BTBD10: variants seen among roughly 807,000 people sequenced by gnomAD.
BTBD10 encodes the protein BTB domain containing 10, also known as BTB/POZ domain-containing protein 10.
Under a neutral mutation model 53.2 loss-of-function variants are expected in BTBD10, and 21 were observed. The ratio of observed to expected loss-of-function variants is 0.39; its 90% confidence interval spans 0.28 to 0.57. BTBD10 has a LOEUF of 0.57. BTBD10 is among the 20% of genes least tolerant of loss of function. The pLI is 0.53. For synonymous variants in BTBD10, 149 were observed against 192.7 expected (o/e 0.77, Z 1.88); for missense variants, 360 against 594.7 (o/e 0.61, Z 4.10).
At chr11:13,437,062 C>T (rs1247230164) in intron 2 of BTBD10, among the ~76,000 whole-genome samples, 1 of 152,202 alleles carries the variant, frequency 6.6e-6, no homozygotes, top group African/African-American at 2.4e-5. Flanking sequence ...GGATTACAGG[C>T]GTGAGACATC....
At chr11:13,411,349 T>C (rs764966345) in intron 6 of BTBD10, among the ~76,000 whole-genome samples, 4 of 152,226 alleles carry the variant, frequency 2.6e-5, no homozygotes, top group Non-Finnish European at 5.9e-5. Flanking sequence ...CAAAGTGCCA[T>C]TCCAAATATT....
intron 8 of BTBD10, among the ~76,000 whole-genome samples, chr11:13,399,034 C>G (rs560515659): frequency 6.6e-6 from 1 of 152,132 alleles, no homozygotes; most frequent in African/African-American, 2.4e-5. Flanking sequence ...GAGTTAGTTG[C>G]TCTTCTCGAG....
At position 13,445,168 on chromosome 11, in the gene BTBD10, G is replaced by A; in HGVS notation, c.-44C>T. 7.2e-7 allele frequency: 1 copy of A among 1,384,330 alleles called. No homozygotes were observed. Among genetic ancestry groups the A allele is most frequent in the Middle Eastern group, 1.8e-4 (1 of 5,644 alleles). The allele number at this position is 1,384,330 out of a possible 1,614,324, so 85.8% of individuals were successfully genotyped here. On this transcript the variant is annotated 5_prime_UTR_variant, in exon 2 of 9. Transcript: ENST00000278174. Reference sequence around the variant, plus strand: ...ACACTACTGCTCTGAAAGCACACATGTAGCACCCATAACCTACATAAAAGA... The same window carrying A: ...ACACTACTGCTCTGAAAGCACACATATAGCACCCATAACCTACATAAAAGA...
chr11:13,451,817 T>C (rs941092951), intron 1 of BTBD10, among the ~76,000 whole-genome samples: 1 of 152,128 alleles, frequency 6.6e-6, no homozygotes, highest in Non-Finnish European at 1.5e-5. Context: ...CTATTATAAA[T>C]ATATTCAAAC....
chr11:13,444,206 T>C (rs1273838880), intron 2 of BTBD10, among the ~76,000 whole-genome samples: 1 of 152,006 alleles, frequency 6.6e-6, no homozygotes, highest in African/African-American at 2.4e-5. Flanking sequence ...CAAAAACGAT[T>C]TCATTATCAC....
chr11:13,452,269 C>G (rs1407327281), intron 1 of BTBD10, among the ~76,000 whole-genome samples: 1 of 152,004 alleles, frequency 6.6e-6, no homozygotes, highest in African/African-American at 2.4e-5. Context: ...AAAGACAAAA[C>G]TATAAAGACA....
At chr11:13,458,153 A>C (rs1951012145) in intron 1 of BTBD10, among the ~76,000 whole-genome samples, 1 of 151,746 alleles carries the variant, frequency 6.6e-6, no homozygotes. Context: ...AAAAAAAAAA[A>C]AAAAACTGTT....
chr11:13,455,801 T>A (rs994802697), intron 1 of BTBD10, among the ~76,000 whole-genome samples: 3 of 152,222 alleles, frequency 2.0e-5, no homozygotes, highest in Non-Finnish European at 2.9e-5. Flanking sequence ...ACAATATTTT[T>A]TCCTTCCATG....
intron 1 of BTBD10, among the ~76,000 whole-genome samples, chr11:13,461,088 A>T (rs765028989): frequency 3.9e-5 from 6 of 152,186 alleles, no homozygotes; most frequent in Non-Finnish European, 8.8e-5. Context: ...TTTCAATTAG[A>T]TGTGACATTT....
chr11:13,441,803 G>C (rs115667567), intron 2 of BTBD10, among the ~76,000 whole-genome samples: 22 of 152,180 alleles, frequency 1.4e-4, no homozygotes, highest in African/African-American at 4.8e-4. Flanking sequence ...TACGTTTATA[G>C]ATTTAAATCC....
chr11:13,398,228 C>G (rs1288557721), intron 8 of BTBD10, among the ~76,000 whole-genome samples: 31 of 151,832 alleles, frequency 2.0e-4, no homozygotes, highest in South Asian at 6.3e-4. Flanking sequence ...GGGTGCTCCT[C>G]TATTGGGTGC....
intron 6 of BTBD10, among the ~76,000 whole-genome samples, chr11:13,407,757 TTG>T (rs1242556441): frequency 6.6e-6 from 1 of 152,200 alleles, no homozygotes; most frequent in African/African-American, 2.4e-5. Flanking sequence ...ACAAACTTGT[TTG>T]TAACCAGAGG....
intron 1 of BTBD10, among the ~76,000 whole-genome samples, chr11:13,461,851 C>A (rs146497140): frequency 6.6e-6 from 1 of 152,034 alleles, no homozygotes; most frequent in South Asian, 2.1e-4. Context: ...AATATAATAG[C>A]TGTTAGGTCA....
chr11:13,423,949 C>G (rs1950289606), intron 2 of BTBD10, among the ~76,000 whole-genome samples: 1 of 152,044 alleles, frequency 6.6e-6, no homozygotes, highest in Non-Finnish European at 1.5e-5. Context: ...AATTAGAGGA[C>G]AGCTGCATCA....
chr11:13,393,996 TAAATGTAAAAG>T (rs1256095337), intron 8 of BTBD10, among the ~76,000 whole-genome samples: 14 of 152,336 alleles, frequency 9.2e-5, no homozygotes, highest in Non-Finnish European at 4.4e-5. Context: ...TACCAGCTGA[TAAATGTAAAAG>T]GAATGATAAA....
chr11:13,421,644 A>C lies in BTBD10; in HGVS notation c.296T>G (p.Val99Gly). 1 of 1,611,848 alleles carries C rather than the reference A, an allele frequency of 6.2e-7. No individual in the cohort carries two copies. The highest frequency in any genetic ancestry group is 1.1e-5 in the South Asian group (1 of 90,900). Reference sequence around the variant, plus strand: ...GAAGGTTAGTTGATTTTACATACCAACATGGTGCTGTCGTGTTGGAGAAGT... The same window carrying C: ...GAAGGTTAGTTGATTTTACATACCACCATGGTGCTGTCGTGTTGGAGAAGT... ...NVTSPTRQHH[V>G]EREKDHSSSR... The change falls in exon 3 of 9, where the codon GTT (valine) becomes GGT (glycine). Residue 99 changes from valine to glycine, a missense_variant and splice_region_variant. Transcript: ENST00000278174.
At chr11:13,443,600 CT>C (rs140559255) in intron 2 of BTBD10, among the ~76,000 whole-genome samples, 36 of 149,092 alleles carry the variant, frequency 2.4e-4, no homozygotes, top group East Asian at 2.0e-3. Flanking sequence ...AAAACCAATA[CT>C]TTTTTTTTTT....
rs3101171 is a variant in BTBD10, at chr11:13,461,948, T to A, written c.-58+1144A>T. On this transcript the variant is annotated intron_variant, in intron 1 of 8. Transcript: ENST00000278174. ...TCTCACACTTTTTTTTTTTTTTTTT[T>A]TACCAGTCTTGGTCCACTTTCAAAT... Among the ~76,000 whole-genome samples the A allele has an allele frequency of 5.5e-3, 830 of 152,028 alleles. 8 individuals carry two copies. The highest frequency in any genetic ancestry group is 0.019 in the African/African-American group (798 of 41,430).
intron 2 of BTBD10, among the ~76,000 whole-genome samples, chr11:13,429,617 A>G (rs1385555385): frequency 4.1e-5 from 6 of 146,366 alleles, no homozygotes. Flanking sequence ...AATTCTAGAG[A>G]AAAAAAAAAA....
Sources: allele counts gnomAD v4.1 joint callset (sites outside exome capture counted in the v4.1 genomes callset), GRCh38; gene constraint gnomAD v4.1.1; transcripts MANE v1.5; gene names NCBI Gene and HGNC (gene_info 2026-07-23, HGNC 2026-07-21).